Variants in GRXCR1 observed in about 807,000 individuals in gnomAD.
GRXCR1 encodes glutaredoxin domain-containing cysteine-rich protein 1.
In GRXCR1, 27 loss-of-function variants were observed where a neutral mutation model predicts 27.3. That is an observed-to-expected ratio of 0.99 (90% CI 0.73 to 1.37). The LOEUF is 1.37. Ranked by LOEUF, GRXCR1 falls within the 40% of genes most tolerant of loss-of-function variation. GRXCR1 has a pLI of 0.00. For synonymous variants in GRXCR1, 122 were observed against 131.1 expected, an observed-to-expected ratio of 0.93 and a Z score of 0.47; for missense variants, 379 against 354.4, an observed-to-expected ratio of 1.07 and a Z score of -0.56.
intron 2 of GRXCR1, among the ~76,000 whole-genome samples, chr4:43,019,615 G>T (rs981155248): frequency 7.2e-5 from 11 of 152,158 alleles, no homozygotes; most frequent in Non-Finnish European, 1.6e-4. Flanking sequence ...ATGGGAAGCA[G>T]CTGGACAGGA....
chr4:42,922,146 T>C (rs1577906520), intron 1 of GRXCR1, among the ~76,000 whole-genome samples: 1 of 152,240 alleles, frequency 6.6e-6, no homozygotes, highest in Admixed American at 6.5e-5. Context: ...CTTATTTTGA[T>C]AGATATATAT....
At chr4:42,953,615 T>C (rs1487100603) in intron 1 of GRXCR1, among the ~76,000 whole-genome samples, 2 of 152,122 alleles carry the variant, frequency 1.3e-5, no homozygotes, top group Non-Finnish European at 2.9e-5. Flanking sequence ...ATGAGAAAAA[T>C]AAATGCTGTT....
intron 3 of GRXCR1, among the ~76,000 whole-genome samples, chr4:43,022,665 G>C (rs1453125579): frequency 6.6e-6 from 1 of 152,156 alleles, no homozygotes; most frequent in Non-Finnish European, 1.5e-5. Flanking sequence ...CTGCCTGAGA[G>C]GTAGCTGGAG....
At chr4:42,934,530 T>C (rs1645127331) in intron 1 of GRXCR1, among the ~76,000 whole-genome samples, 1 of 151,884 alleles carries the variant, frequency 6.6e-6, no homozygotes, top group South Asian at 2.1e-4. Context: ...GAAAGGATTT[T>C]AGGTCACACA....
intron 1 of GRXCR1, among the ~76,000 whole-genome samples, chr4:42,958,423 A>G (rs1185805040): frequency 6.6e-6 from 1 of 151,960 alleles, no homozygotes; most frequent in Non-Finnish European, 1.5e-5. Context: ...TGGATTAAAG[A>G]TCTAAGTATA....
At chr4:42,970,262 T>C (rs1748354949) in intron 2 of GRXCR1, among the ~76,000 whole-genome samples, 2 of 152,086 alleles carry the variant, frequency 1.3e-5, no homozygotes, top group Admixed American at 1.3e-4. Flanking sequence ...GGATCTATCA[T>C]TCTGGGGTCT....
At chr4:42,935,383 T>C (rs1747432285) in intron 1 of GRXCR1, among the ~76,000 whole-genome samples, 1 of 151,756 alleles carries the variant, frequency 6.6e-6, no homozygotes, top group African/African-American at 2.4e-5. Flanking sequence ...GTGCACTAAG[T>C]GGTAAAGTTA....
At position 42,893,082 on chromosome 4, in the gene GRXCR1, C is replaced by A. The variant is rs190976294; in HGVS notation, c.-185C>A. Among the ~76,000 whole-genome samples, 148 of 152,234 alleles carry A rather than the reference C, an allele frequency of 9.7e-4. No individual in the cohort carries two copies. The highest frequency in any genetic ancestry group is 1.9e-3 in the Non-Finnish European group (127 of 68,002). ...TAAAGGTAACCATAGCACACACACA[C>A]ACATTTATTATTAATAGCAGAGACA... is the stretch of plus-strand genomic sequence containing the variant. On this transcript the variant is annotated 5_prime_UTR_variant, in exon 1 of 4. Transcript: ENST00000399770.
In GRXCR1 at chr4:42,949,375, A is replaced by C. The variant is rs539429450; in HGVS notation, c.385-13517A>C. On this transcript the variant is annotated intron_variant, in intron 1 of 3. Coordinates refer to ENST00000399770, the MANE Select transcript of GRXCR1 (RefSeq NM_001080476.3). ...ATCTCAAAAAAAAAAAAAAAAAAAA[A>C]ACAACTTTAAAATTCATAAATCCTG... 4.7e-4 allele frequency among the ~76,000 whole-genome samples: 62 copies of C among 132,876 alleles called. 1 individual carries two copies. In the South Asian group the frequency reaches 0.011, roughly 23 times the overall value. The allele number at this position is 132,876 out of a possible 152,430, so 87.2% of individuals were successfully genotyped here.
chr4:42,980,072 G>T (rs373284098), intron 2 of GRXCR1, among the ~76,000 whole-genome samples: 41 of 151,618 alleles, frequency 2.7e-4, no homozygotes, highest in African/African-American at 9.4e-4. Context: ...CTAGCTAAAG[G>T]TTTGTTGATT....
Position 42,957,383 on chromosome 4 carries a change from A to C in GRXCR1, c.385-5509A>C, listed in dbSNP as rs112749328. On this transcript the variant is annotated intron_variant, in intron 1 of 3. Coordinates refer to ENST00000399770, the MANE Select transcript of GRXCR1 (RefSeq NM_001080476.3). The stretch of plus-strand genomic sequence containing the variant: ...CTCACCATTATACACCTAGTGCTTA[A>C]TACTGTGTTTGGCAAACAAATTATT... Among the ~76,000 whole-genome samples, 464 of 152,166 alleles carry C rather than the reference A, an allele frequency of 3.0e-3. 3 individuals are homozygous for C. The highest frequency in any genetic ancestry group is 0.011 in the African/African-American group (440 of 41,554).
chr4:42,974,937 C>A (rs974981444), intron 2 of GRXCR1, among the ~76,000 whole-genome samples: 1 of 152,044 alleles, frequency 6.6e-6, no homozygotes, highest in African/African-American at 2.4e-5. Flanking sequence ...GATCTTATTG[C>A]CACAAGTCTG....
At chr4:42,984,976 T>C (rs1711660111) in intron 2 of GRXCR1, among the ~76,000 whole-genome samples, 1 of 152,072 alleles carries the variant, frequency 6.6e-6, no homozygotes, top group Non-Finnish European at 1.5e-5. Context: ...GGCCTGAGGT[T>C]GGGGTCCAAG....
intron 3 of GRXCR1, 96 bp downstream of exon 3, chr4:43,020,515 G>T (rs1025687010): frequency 1.2e-6 from 1 of 812,700 alleles, no homozygotes; most frequent in Non-Finnish European, 2.1e-6. Flanking sequence ...CTCTCCCCAT[G>T]TTCTTACAAA....
Position 42,911,863 on chromosome 4 carries a change from T to G in GRXCR1, c.384+18213T>G, listed in dbSNP as rs190339973. 9.7e-4 allele frequency among the ~76,000 whole-genome samples: 148 copies of G among 152,290 alleles called. 1 individual carries two copies. Among genetic ancestry groups the G allele is most frequent in the African/African-American group, 3.5e-3 (144 of 41,574 alleles). On this transcript the variant is annotated intron_variant, in intron 1 of 3. Coordinates refer to ENST00000399770, the MANE Select transcript of GRXCR1 (RefSeq NM_001080476.3). ...TCTGTTACATGTGATATAACTTACA[T>G]TAAAAATGGGGAAGTTAGTCTTTTA...
intron 1 of GRXCR1, among the ~76,000 whole-genome samples, chr4:42,913,021 T>C (rs1381558792): frequency 6.6e-6 from 1 of 152,140 alleles, no homozygotes; most frequent in African/African-American, 2.4e-5. Flanking sequence ...TATGAAGAGG[T>C]GTCTTCCACC....
chr4:42,952,673 GA>G (rs1354761670), intron 1 of GRXCR1, among the ~76,000 whole-genome samples: 3 of 152,108 alleles, frequency 2.0e-5, no homozygotes, highest in Admixed American at 6.6e-5. Flanking sequence ...CATAGGAGCA[GA>G]ATGGCTCCCC....
chr4:43,007,445 A>G (rs1176496500), intron 2 of GRXCR1, among the ~76,000 whole-genome samples: 9 of 152,280 alleles, frequency 5.9e-5, no homozygotes, highest in South Asian at 4.1e-4. Flanking sequence ...ATGAGTGGAA[A>G]CCAAAGGTAT....
In GRXCR1 at chr4:43,011,526, C is replaced by T. The variant is rs983962658; in HGVS notation, c.628-8828C>T. On this transcript the variant is annotated intron_variant, in intron 2 of 3. Transcript: ENST00000399770. ...AGACCTAGGGGTGGTAAGAGCTTCT[C>T]ATTGTTGACAGCTCCTGGGTGCTTC... Among the ~76,000 whole-genome samples the T allele has an allele frequency of 3.5e-4, 53 of 152,290 alleles. 1 individual carries two copies. Among genetic ancestry groups the T allele is most frequent in the Non-Finnish European group, 1.3e-4 (9 of 68,022 alleles).
Sources: allele counts gnomAD v4.1 joint callset (sites outside exome capture counted in the v4.1 genomes callset), GRCh38; gene constraint gnomAD v4.1.1; transcripts MANE v1.5; gene names NCBI Gene and HGNC (gene_info 2026-07-23, HGNC 2026-07-21).